EVL: variants seen among roughly 807,000 people sequenced by gnomAD.
EVL encodes the protein ena/VASP-like protein.
In EVL, 21 loss-of-function variants were observed where a neutral mutation model predicts 59.6. That is an observed-to-expected ratio of 0.35 (90% CI 0.25 to 0.51). EVL has a LOEUF of 0.51. Ranked by LOEUF, EVL falls within the 20% of genes least tolerant of loss-of-function variation. The probability of loss-of-function intolerance (pLI) is 0.97; values close to 1 mark genes in which losing one functional copy is unlikely to be tolerated. For synonymous variants in EVL, 198 were observed against 203.5 expected, an observed-to-expected ratio of 0.97 and a Z score of 0.23; for missense variants, 462 against 546.6, an observed-to-expected ratio of 0.85 and a Z score of 1.54.
chr14:100,117,331 A>G (rs924513713), intron 3 of EVL, among the ~76,000 whole-genome samples: 41 of 152,096 alleles, frequency 2.7e-4, no homozygotes, highest in African/African-American at 8.0e-4. Context: ...GGTGCTGGCA[A>G]TGTGCCACAC....
intron 8 of EVL, among the ~76,000 whole-genome samples, chr14:100,133,949 AAAC>A (rs139375937): frequency 0.036 from 5,395 of 151,898 alleles, 307 homozygotes; most frequent in African/African-American, 0.12. Flanking sequence ...AAAACAAAAC[AAAC>A]AACAACAACA....
chr14:100,007,076 A>C (rs2060987144), intron 1 of EVL, among the ~76,000 whole-genome samples: 1 of 151,946 alleles, frequency 6.6e-6, no homozygotes, highest in Non-Finnish European at 1.5e-5. Flanking sequence ...TAGAAAGTTT[A>C]TTTTGCCAAG....
intron 3 of EVL, among the ~76,000 whole-genome samples, chr14:100,122,435 A>T (rs1887760866): frequency 6.6e-6 from 1 of 152,204 alleles, no homozygotes; most frequent in Non-Finnish European, 1.5e-5. Context: ...ATTAAATTTT[A>T]AAAAGTGCCT....
chr14:100,038,770 G>GT (rs1488873891), intron 1 of EVL, among the ~76,000 whole-genome samples: 5 of 139,612 alleles, frequency 3.6e-5, no homozygotes, highest in Non-Finnish European at 7.7e-5. Flanking sequence ...CTGTGCCCTG[G>GT]GGTGTGTGTG....
At chr14:100,125,728 G>T (rs1057420453) in intron 4 of EVL, among the ~76,000 whole-genome samples, 1 of 151,882 alleles carries the variant, frequency 6.6e-6, no homozygotes, top group South Asian at 2.1e-4. Flanking sequence ...GCTCATTTTT[G>T]TATTTTTAGT....
chr14:100,038,771 G>GGTGTGTGTGTGTGTGTGTGTGTGTGTGT (rs61309441), intron 1 of EVL, among the ~76,000 whole-genome samples: 72 of 141,004 alleles, frequency 5.1e-4, no homozygotes, highest in Admixed American at 1.4e-3. Context: ...TGTGCCCTGG[G>GGTGTGTGTGTGTGTGTGTGTGTGTGTGT]GTGTGTGTGT....
chr14:100,001,195 A>C lies in EVL; in HGVS notation c.5+29138A>C, dbSNP rs991184040. On this transcript the variant is annotated intron_variant, in intron 1 of 13. Transcript: ENST00000402714. Reference sequence around the variant, plus strand: ...TTGCTGTTATTTTCTTCTGAAGTTTAGTTGTCTGGATTAAGTTTGCAAGGC... The same window carrying C: ...TTGCTGTTATTTTCTTCTGAAGTTTCGTTGTCTGGATTAAGTTTGCAAGGC... Among the ~76,000 whole-genome samples the C allele has an allele frequency of 2.6e-5, 4 of 152,194 alleles. No individual in the cohort carries two copies. The East Asian group carries it at 7.7e-4, about 29-fold the overall frequency.
intron 1 of EVL, among the ~76,000 whole-genome samples, chr14:100,068,531 G>A (rs2061984215): frequency 6.6e-6 from 1 of 152,204 alleles, no homozygotes; most frequent in Admixed American, 6.5e-5. Flanking sequence ...CAAGAATGGA[G>A]GCAGGATGAC....
intron 6 of EVL, among the ~76,000 whole-genome samples, chr14:100,128,975 A>G (rs1888262430): frequency 6.6e-6 from 1 of 152,236 alleles, no homozygotes; most frequent in Admixed American, 6.5e-5. Context: ...ACGTGGGGCA[A>G]GAACTATGTC....
At chr14:100,038,325 C>T (rs1481671365) in intron 1 of EVL, among the ~76,000 whole-genome samples, 2 of 152,212 alleles carry the variant, frequency 1.3e-5, no homozygotes, top group Non-Finnish European at 2.9e-5. Context: ...ACAAACTGAT[C>T]TTATCATGCT....
In EVL at chr14:100,109,294, C is replaced by T; in HGVS notation, c.358+11636C>T. 5.9e-6 allele frequency: 2 copies of T among 341,810 alleles called. No individual in the cohort carries two copies. The highest frequency in any genetic ancestry group is 4.5e-5 in the South Asian group (2 of 44,178). 21.2% of individuals were successfully genotyped at this position (341,810 alleles called of 1,614,324 possible). On this transcript the variant is annotated intron_variant, in intron 3 of 13. Coordinates refer to ENST00000392920, the MANE Select transcript of EVL (RefSeq NM_016337.3). The surrounding 1 kb of genome is among the most constrained non-coding windows in gnomAD (Gnocchi z 4.3). The stretch of plus-strand genomic sequence containing the variant: ...CCGCCCCTGCCCTCATGCATGTTCT[C>T]TCCATACTCCTGGTCACCTTCTGCT...
At chr14:99,976,028 CT>C (rs898687236) in intron 1 of EVL, among the ~76,000 whole-genome samples, 62 of 151,810 alleles carry the variant, frequency 4.1e-4, no homozygotes, top group African/African-American at 1.4e-3. Flanking sequence ...TTTTAAATTT[CT>C]TTTTTGTTTT....
intron 1 of EVL, among the ~76,000 whole-genome samples, chr14:100,035,446 C>T (rs2061374883): frequency 6.7e-6 from 1 of 150,018 alleles, no homozygotes; most frequent in Non-Finnish European, 1.5e-5. Context: ...GATGTAGTTA[C>T]TCTTACTGTT....
intron 1 of EVL, among the ~76,000 whole-genome samples, chr14:100,051,409 C>G (rs1229148224): frequency 6.6e-6 from 1 of 152,190 alleles, no homozygotes; most frequent in Admixed American, 6.5e-5. Context: ...GAACATATCC[C>G]CCCATGGATG....
chr14:100,123,506 A>C, intron 3 of EVL, 33 bp from the exon 4 acceptor site: 3 of 1,612,326 alleles, frequency 1.9e-6, no homozygotes, highest in Non-Finnish European at 1.7e-6. Context: ...TTCTTCCTCT[A>C]ACCACACTGT....
At chr14:100,081,985 G>A (rs1261331190) in intron 1 of EVL, among the ~76,000 whole-genome samples, 2 of 152,136 alleles carry the variant, frequency 1.3e-5, no homozygotes, top group Admixed American at 6.5e-5. Context: ...TTAGCCAGGC[G>A]TGGTGGTATG....
intron 1 of EVL, among the ~76,000 whole-genome samples, chr14:100,046,493 C>G (rs1328689762): frequency 2.6e-5 from 4 of 151,918 alleles, no homozygotes; most frequent in Admixed American, 6.6e-5. Context: ...ATGGCGAAAC[C>G]CTCTCTCTAA....
intron 1 of EVL, among the ~76,000 whole-genome samples, chr14:100,058,975 G>A (rs2061777920): frequency 6.6e-6 from 1 of 152,142 alleles, no homozygotes; most frequent in Non-Finnish European, 1.5e-5. Context: ...GGAAATGAGG[G>A]GTGAAACTGA....
chr14:100,044,461 G>T (rs1333890664), intron 1 of EVL, among the ~76,000 whole-genome samples: 1 of 152,172 alleles, frequency 6.6e-6, no homozygotes. Flanking sequence ...CTGGCAAGAA[G>T]ACTTCAACCA....
Sources: gnomAD v4.1 joint callset for allele counts (sites outside exome capture counted in the v4.1 genomes callset) on GRCh38, gnomAD v4.1.1 for gene constraint, Gnocchi (gnomAD v3.1) non-coding constraint, MANE v1.5 for transcripts, NCBI Gene and HGNC (gene_info 2026-07-23, HGNC 2026-07-21) for gene names.